The following SLC25A26 variants were observed in gnomAD, a reference collection of about 807,000 sequenced individuals.
The protein encoded by SLC25A26 is solute carrier family 25 member 26.
In SLC25A26, 36 loss-of-function variants were observed where a neutral mutation model predicts 37.8. The observed-to-expected ratio is 0.95, with a 90% confidence interval of 0.73 to 1.26. SLC25A26 has a LOEUF of 1.26. SLC25A26 is among the 50% of genes most tolerant of loss of function. The pLI, the probability that SLC25A26 is intolerant of heterozygous loss-of-function variation, is 0.00. For missense variants in SLC25A26, 390 were observed against 331.1 expected, an observed-to-expected ratio of 1.18 and a Z score of -1.38; for synonymous variants, 129 against 122.5, an observed-to-expected ratio of 1.05 and a Z score of -0.35.
chr3:66,179,627 A>G (rs1055396426), intron 1 of SLC25A26, among the ~76,000 whole-genome samples: 1 of 152,206 alleles, frequency 6.6e-6, no homozygotes, highest in African/African-American at 2.4e-5. Flanking sequence ...ATCAAGTTCA[A>G]CTATACTTCT....
At chr3:66,214,523 A>G (rs2071332684) in intron 1 of SLC25A26, among the ~76,000 whole-genome samples, 1 of 152,210 alleles carries the variant, frequency 6.6e-6, no homozygotes, top group African/African-American at 2.4e-5. Flanking sequence ...TTAAAATGTT[A>G]AAAAATATGC....
rs760666637 is a variant in SLC25A26, at chr3:66,346,349, T to C, written c.454-15T>C. ...TTTTTGCCTAATTTATTTAATTTTT[T>C]TTTTCTCTCTTCAGATTCCTTTTTC... is the stretch of plus-strand genomic sequence containing the variant. On this transcript the variant is annotated splice_polypyrimidine_tract_variant and intron_variant, in intron 5 of 9. Transcript: ENST00000354883. 1.4e-5 allele frequency: 20 copies of C among 1,453,842 alleles called. No homozygotes were observed. The highest frequency in any genetic ancestry group is 1.9e-4 in the Middle Eastern group (1 of 5,376). The allele number at this position is 1,453,842 out of a possible 1,614,324, so 90.1% of individuals were successfully genotyped here. A position where few individuals can be genotyped will look rare whatever the true frequency, so the allele number is the denominator to read the frequency against.
chr3:66,193,039 CAG>C (rs1318701883), intron 1 of SLC25A26, among the ~76,000 whole-genome samples: 1 of 152,064 alleles, frequency 6.6e-6, no homozygotes, highest in South Asian at 2.1e-4. Context: ...ACAAGGATTG[CAG>C]AGAGATACAG....
intron 1 of SLC25A26, among the ~76,000 whole-genome samples, chr3:66,176,194 G>A (rs1236951542): frequency 6.6e-6 from 1 of 152,164 alleles, no homozygotes; most frequent in African/African-American, 2.4e-5. Flanking sequence ...TTGGTATGGA[G>A]TACAAGAATA....
At chr3:66,173,562 GA>G (rs1239173238) in intron 1 of SLC25A26, among the ~76,000 whole-genome samples, 1 of 152,142 alleles carries the variant, frequency 6.6e-6, no homozygotes, top group Non-Finnish European at 1.5e-5. Context: ...TGCAGATGTG[GA>G]ATTTTCTGAT....
At position 66,370,415 on chromosome 3, in the gene SLC25A26, C is replaced by T. The variant is rs1700282405; in HGVS notation, c.634-114C>T. ...TGCCAAGAAACTCCCTGGTATCTGA[C>T]ACTGTGTTCTAGATGAGGGTGACGG... On this transcript the variant is annotated intron_variant, in intron 8 of 9. Transcript: ENST00000354883. 5 of 859,546 alleles carry T rather than the reference C, an allele frequency of 5.8e-6. No individual in the cohort carries two copies. The East Asian group carries it at 7.9e-5, about 14-fold the overall frequency. 53.2% of individuals were successfully genotyped at this position (859,546 alleles called of 1,614,324 possible). A position where few individuals can be genotyped will look rare whatever the true frequency, so the allele number is the denominator to read the frequency against.
At chr3:66,360,063 A>C (rs2076663484) in intron 6 of SLC25A26, among the ~76,000 whole-genome samples, 2 of 152,178 alleles carry the variant, frequency 1.3e-5, no homozygotes, top group African/African-American at 2.4e-5. Context: ...GTCTGACTTA[A>C]GAGAAGTTGT....
At chr3:66,330,363 G>A (rs544917863) in intron 5 of SLC25A26, among the ~76,000 whole-genome samples, 1 of 152,220 alleles carries the variant, frequency 6.6e-6, no homozygotes, top group South Asian at 2.1e-4. Flanking sequence ...AATCAGATGT[G>A]ACAACAGGTC....
intron 1 of SLC25A26, among the ~76,000 whole-genome samples, chr3:66,206,611 A>G (rs1262389531): frequency 3.9e-5 from 6 of 152,306 alleles, no homozygotes; most frequent in Admixed American, 3.9e-4. Context: ...GAGAGTAAGT[A>G]AATTATTATA....
chr3:66,350,823 C>A, intron 6 of SLC25A26, among the ~76,000 whole-genome samples: 1 of 152,116 alleles, frequency 6.6e-6, no homozygotes, highest in Non-Finnish European at 1.5e-5. Context: ...TGTTCTCTGA[C>A]TCCTTTCTGA....
At chr3:66,331,010 A>G (rs962003601) in intron 5 of SLC25A26, among the ~76,000 whole-genome samples, 4 of 151,934 alleles carry the variant, frequency 2.6e-5, no homozygotes, top group Admixed American at 2.6e-4. Flanking sequence ...TATTAATATA[A>G]TTTAGATATT....
intron 6 of SLC25A26, among the ~76,000 whole-genome samples, chr3:66,350,823 C>T (rs1229869180): frequency 6.6e-6 from 1 of 152,116 alleles, no homozygotes; most frequent in African/African-American, 2.4e-5. Context: ...TGTTCTCTGA[C>T]TCCTTTCTGA....
intron 6 of SLC25A26, among the ~76,000 whole-genome samples, chr3:66,355,799 C>G (rs1268605175): frequency 6.6e-6 from 1 of 152,186 alleles, no homozygotes; most frequent in Non-Finnish European, 1.5e-5. Flanking sequence ...ATCATTGTCT[C>G]CTGTCTTTAA....
intron 3 of SLC25A26, among the ~76,000 whole-genome samples, chr3:66,255,620 C>T (rs572851564): frequency 6.6e-6 from 1 of 152,000 alleles, no homozygotes; most frequent in East Asian, 1.9e-4. Context: ...CATACTGAAC[C>T]TCAGATTTAT....
chr3:66,290,323 T>C (rs2074662175), intron 5 of SLC25A26, among the ~76,000 whole-genome samples: 1 of 152,222 alleles, frequency 6.6e-6, no homozygotes, highest in Non-Finnish European at 1.5e-5. Flanking sequence ...TCTTGCCTGA[T>C]TGCCCTGGCC....
rs1423709736 is a variant in SLC25A26, at chr3:66,306,345, A to AT, written c.454-40015dup. On this transcript the variant is annotated intron_variant, in intron 5 of 9. Coordinates refer to ENST00000354883, the MANE Select transcript of SLC25A26 (RefSeq NM_001379210.1). ...GAGACGGTATCTCATTGTGGTTTTG[A>AT]TTTTCATTTCTCTAATCAGTGATGT... 5.4e-5 allele frequency among the ~76,000 whole-genome samples: 8 copies of AT among 148,900 alleles called. No individual in the cohort carries two copies. The East Asian group carries it at 1.6e-3, about 30-fold the overall frequency.
intron 3 of SLC25A26, among the ~76,000 whole-genome samples, chr3:66,259,136 C>G (rs978334794): frequency 6.6e-6 from 1 of 152,128 alleles, no homozygotes; most frequent in Admixed American, 6.5e-5. Flanking sequence ...GGGAAGCCCC[C>G]CACACGTGAG....
At chr3:66,362,959 A>G in intron 7 of SLC25A26, 30 bp downstream of exon 7, 3 of 1,439,910 alleles carry the variant, frequency 2.1e-6, no homozygotes, top group Non-Finnish European at 2.9e-6. Flanking sequence ...ACTGGGAAAG[A>G]CCAAAGAGGG....
intron 3 of SLC25A26, among the ~76,000 whole-genome samples, chr3:66,251,829 A>G (rs1458403289): frequency 6.6e-6 from 1 of 152,096 alleles, no homozygotes; most frequent in Non-Finnish European, 1.5e-5. Flanking sequence ...TTTTTCTAAT[A>G]TAGTATGCAG....
Sources: gnomAD v4.1 joint callset for allele counts (sites outside exome capture counted in the v4.1 genomes callset) on GRCh38, gnomAD v4.1.1 for gene constraint, MANE v1.5 for transcripts, NCBI Gene and HGNC (gene_info 2026-07-23, HGNC 2026-07-21) for gene names.